The following IQGAP3 variants were observed in gnomAD, a reference collection of about 807,000 sequenced individuals.
The protein encoded by IQGAP3 is IQ motif containing GTPase activating protein 3.
IQGAP3 carries 165 observed loss-of-function variants against 208.2 expected under a neutral mutation model. The ratio of observed to expected loss-of-function variants is 0.79; its 90% CI spans 0.70 to 0.90. The LOEUF (loss-of-function observed/expected upper bound fraction) is 0.90, where lower values mean the gene tolerates loss of function less well. Among genes scored for constraint, IQGAP3 ranks in the 40% least tolerant of loss-of-function variants. The pLI, the probability that IQGAP3 is intolerant of heterozygous loss-of-function variation, is 0.00. For missense variants in IQGAP3, 1,811 were observed against 2,043.1 expected (o/e 0.89, Z 2.19); for synonymous variants, 703 against 803.6 (o/e 0.87, Z 2.12).
intron 1 of IQGAP3, among the ~76,000 whole-genome samples, chr1:156,569,670 C>T (rs1446284313): frequency 1.3e-5 from 2 of 151,916 alleles, no homozygotes; most frequent in South Asian, 2.1e-4. Flanking sequence ...AGGCGCCCGC[C>T]ACCACGCCTG....
chr1:156,556,572 C>A lies in IQGAP3; in HGVS notation c.1251G>T (p.Met417Ile). The change falls in exon 12 of 38, where the codon ATG becomes ATT. Residue 417 changes from methionine (M) to isoleucine (I), a missense_variant. Coordinates refer to ENST00000361170, the MANE Select transcript of IQGAP3 (RefSeq NM_178229.5). The stretch of plus-strand genomic sequence containing the variant: ...GGAGCACTGCCAGCTCCAGCTGGTA[C>A]ATAGACGATGCAACAGGGTACACTG... ...LPPVYPVASS[M>I]YQLELAVLQQ... 2 of 1,613,674 alleles carry A rather than the reference C, an allele frequency of 1.2e-6. No homozygotes were observed. Among genetic ancestry groups the A allele is most frequent in the Non-Finnish European group, 1.7e-6 (2 of 1,179,640 alleles).
chr1:156,533,344 C>T (rs906725715), intron 31 of IQGAP3, among the ~76,000 whole-genome samples: 3 of 152,094 alleles, frequency 2.0e-5, no homozygotes, highest in South Asian at 2.1e-4. Flanking sequence ...CTGTGCCACC[C>T]CCACACCCTC....
chr1:156,529,234 AT>A lies in IQGAP3; in HGVS notation c.4405-153del, dbSNP rs543359588. 2.5e-5 allele frequency: 21 copies of A among 834,012 alleles called. No homozygotes were observed. In the South Asian group the frequency reaches 3.1e-4, roughly 12 times the overall value. The allele number at this position is 834,012 out of a possible 1,614,324, so 51.7% of individuals were successfully genotyped here. A position where few individuals can be genotyped will look rare whatever the true frequency, so the allele number is the denominator to read the frequency against. On this transcript the variant is annotated intron_variant, in intron 34 of 37. Coordinates refer to ENST00000361170, the MANE Select transcript of IQGAP3 (RefSeq NM_178229.5). ...CTAGAAGGAAAATCTCAAGGATGGT[AT>A]TCCAAATCCTCAAGGCATGTCCTCA...
At chr1:156,533,694 C>T in intron 31 of IQGAP3, 79 bp downstream of exon 31, 1 of 1,187,584 alleles carries the variant, frequency 8.4e-7, no homozygotes, top group East Asian at 2.5e-5. Flanking sequence ...TGGGCACGCT[C>T]ACATGCCCTG....
chr1:156,548,415 T>C lies in IQGAP3; in HGVS notation c.2066A>G (p.Gln689Arg). The C allele has an allele frequency of 3.7e-6, 6 of 1,613,934 alleles. No individual in the cohort carries two copies. The highest frequency in any genetic ancestry group is 5.1e-6 in the Non-Finnish European group (6 of 1,179,958). Residue 689 changes from glutamine to arginine, a missense_variant, in exon 18 of 38, where the codon CAG becomes CGG. Transcript: ENST00000361170. ...GCCAGGAGGTTGCTCCCAGATCCCC[T>C]GGAAGGTCTGCAGATGGAAGTAGTA... ...TAYYFHLQTF[Q>R]GIWEQPPGCP...
intron 19 of IQGAP3, among the ~76,000 whole-genome samples, chr1:156,546,357 G>A (rs1248759555): frequency 6.6e-6 from 1 of 152,116 alleles, no homozygotes; most frequent in Non-Finnish European, 1.5e-5. Flanking sequence ...TGTCTCCCAG[G>A]ACCCAGGCCA....
rs1027286192 is a variant in IQGAP3, at chr1:156,554,121, C to T, written c.1448+114G>A. The stretch of plus-strand genomic sequence containing the variant: ...ACTGTGAACAGACCCAGAGGGTGGG[C>T]CTGGGCCCAAGAATGGGACATCGTA... On this transcript the variant is annotated intron_variant, in intron 13 of 37. Transcript: ENST00000361170. The T allele has an allele frequency of 9.1e-6, 12 of 1,315,664 alleles. No homozygotes were observed. In the Admixed American group the frequency reaches 2.7e-4, roughly 29 times the overall value. 81.5% of individuals were successfully genotyped at this position (1,315,664 alleles called of 1,614,324 possible).
At chr1:156,548,314 C>T in intron 18 of IQGAP3, 34 bp downstream of exon 18, 2 of 1,609,860 alleles carry the variant, frequency 1.2e-6, no homozygotes, top group Non-Finnish European at 1.7e-6. Context: ...CATTCCTATC[C>T]AAGATCCCCT....
Position 156,538,863 on chromosome 1 carries a change from A to T in IQGAP3, c.3227T>A (p.Val1076Asp). 6.2e-7 allele frequency: 1 copy of T among 1,614,160 alleles called. No homozygotes were observed. The highest frequency in any genetic ancestry group is 8.5e-7 in the Non-Finnish European group (1 of 1,180,026). The change falls in exon 26 of 38, where the codon GTC becomes GAC. Residue 1076 changes from valine to aspartate, a missense_variant. Physicochemically the swap from Val to Asp is radical, Grantham distance 152 (BLOSUM62 -3). Transcript: ENST00000361170. ...DKVLSVHTDP[V>D]HLYKNWINQT... is the part of the protein sequence containing the mutation. Reference sequence around the variant, plus strand: ...GTTGATCCAGTTCTTATAGAGGTGGACAGGGTCTGTGTGGACGCTGAGCAC... The same window carrying T: ...GTTGATCCAGTTCTTATAGAGGTGGTCAGGGTCTGTGTGGACGCTGAGCAC...
Position 156,550,366 on chromosome 1 carries a change from G to T in IQGAP3, c.1735-15C>A. 6.2e-7 allele frequency: 1 copy of T among 1,606,388 alleles called. No homozygotes were observed. The highest frequency in any genetic ancestry group is 8.5e-7 in the Non-Finnish European group (1 of 1,174,104). ...TCCCCTGTCACCTGGCAGATTGAGG[G>T]AGAAAAAAAAGATGTGACCCCAAGC... is the stretch of plus-strand genomic sequence containing the variant. On this transcript the variant is annotated splice_polypyrimidine_tract_variant and intron_variant, in intron 15 of 37. Coordinates refer to ENST00000361170, the MANE Select transcript of IQGAP3 (RefSeq NM_178229.5).
chr1:156,528,255 C>T (rs1338800094), intron 36 of IQGAP3, among the ~76,000 whole-genome samples, 195 bp from the exon 37 acceptor site: 3 of 152,174 alleles, frequency 2.0e-5, no homozygotes, highest in South Asian at 4.1e-4. Context: ...TTATCTGCCC[C>T]GCCCTACGCA....
intron 26 of IQGAP3, among the ~76,000 whole-genome samples, chr1:156,537,609 C>T (rs777231890): frequency 1.3e-5 from 2 of 152,106 alleles, no homozygotes; most frequent in Non-Finnish European, 2.9e-5. Flanking sequence ...GACAAGCAGG[C>T]GGCTGCGCTG....
chr1:156,526,748 T>G, intron 37 of IQGAP3, 149 bp from the exon 38 acceptor site: 1 of 614,038 alleles, frequency 1.6e-6, no homozygotes, highest in South Asian at 1.9e-5. Context: ...ACTTCACAAA[T>G]GAGGAAACTG....
intron 26 of IQGAP3, among the ~76,000 whole-genome samples, chr1:156,538,359 C>A (rs1185707931): frequency 1.3e-5 from 2 of 152,136 alleles, no homozygotes; most frequent in South Asian, 2.1e-4. Flanking sequence ...CACGCCTGAC[C>A]TACATTTTTA....
At chr1:156,529,680 G>A (rs1299861267) in intron 34 of IQGAP3, among the ~76,000 whole-genome samples, 1 of 151,972 alleles carries the variant, frequency 6.6e-6, no homozygotes, top group African/African-American at 2.4e-5. Context: ...CAGCATTTTG[G>A]GAGGCCAAGA....
chr1:156,566,579 T>C (rs763196815), intron 2 of IQGAP3, 33 bp from the exon 3 acceptor site: 7 of 1,607,800 alleles, frequency 4.4e-6, no homozygotes, highest in Middle Eastern at 1.7e-4. Flanking sequence ...TCACGCACTC[T>C]GGCAGACCAC....
At chr1:156,549,028 G>C (rs1571338494) in intron 16 of IQGAP3, among the ~76,000 whole-genome samples, 1 of 152,154 alleles carries the variant, frequency 6.6e-6, no homozygotes, top group South Asian at 2.1e-4. Context: ...AAATCAGCTT[G>C]AACAGAAGCA....
At position 156,529,070 on chromosome 1, in the gene IQGAP3, G is replaced by A; in HGVS notation, c.4417C>T (p.Gln1473Ter). The A allele has an allele frequency of 6.2e-7, 1 of 1,614,150 alleles. No individual in the cohort carries two copies. Among genetic ancestry groups the A allele is most frequent in the Non-Finnish European group, 8.5e-7 (1 of 1,179,964 alleles). ...VDELAKDIRN[Q>*]HRHRHRRKAE... ...TTCCGCCTGTGCCTGTGTCTGTGCT[G>A]GTTGCGGATGTCCTGGGGTTGGGGA... Residue 1473 changes from glutamine to a stop codon, truncating the protein, a stop_gained, in exon 35 of 38, where the codon CAG (glutamine) becomes TAG (stop). Coordinates refer to ENST00000361170, the MANE Select transcript of IQGAP3 (RefSeq NM_178229.5). LOFTEE classifies it high-confidence loss of function.
Position 156,526,499 on chromosome 1 carries a change from A to T in IQGAP3, c.4883T>A (p.Phe1628Tyr). The change falls in exon 38 of 38, where the codon TTT (phenylalanine) becomes TAT (tyrosine). Residue 1628 changes from phenylalanine to tyrosine, a missense_variant. Coordinates refer to ENST00000361170, the MANE Select transcript of IQGAP3 (RefSeq NM_178229.5). ...CCTTTGCCTCTGTCACTTCCGCAAA[A>T]ACTTCTTGTTGAGGAGGAAGATGAG... ...NLLIFLLNKKFLRK is the reference protein window; with the variant it reads ...NLLIFLLNKKYLRK 2 of 1,613,576 alleles carry T rather than the reference A, an allele frequency of 1.2e-6. No homozygotes were observed. The highest frequency in any genetic ancestry group is 1.3e-5 in the African/African-American group (1 of 75,022).
Sources: allele counts gnomAD v4.1 joint callset (sites outside exome capture counted in the v4.1 genomes callset), GRCh38; gene constraint gnomAD v4.1.1; transcripts MANE v1.5; gene names NCBI Gene and HGNC (gene_info 2026-07-23, HGNC 2026-07-21).